Variants in ABCF1 observed in about 807,000 individuals in gnomAD.
ABCF1 encodes the protein ATP binding cassette subfamily F member 1.
ABCF1 carries 73 observed loss-of-function variants against 126.3 expected under a neutral mutation model. The ratio of observed to expected loss-of-function variants is 0.58; its 90% CI spans 0.48 to 0.70. ABCF1 has a LOEUF of 0.70. Among genes scored for constraint, ABCF1 ranks in the 30% least tolerant of loss-of-function variants. The pLI, the probability that ABCF1 is intolerant of heterozygous loss-of-function variation, is 0.00. For missense variants in ABCF1, 786 were observed against 1,057.5 expected (o/e 0.74, Z 3.56); for synonymous variants, 345 against 396.4 (o/e 0.87, Z 1.54).
In ABCF1 at chr6:30,577,411, A is replaced by T; in HGVS notation, c.76A>T (p.Lys26Ter). The change falls in exon 2 of 25, where the codon AAA (lysine) becomes TAA (stop). Residue 26 changes from lysine to a stop codon, truncating the protein, a stop_gained and splice_region_variant. Coordinates refer to ENST00000326195, the MANE Select transcript of ABCF1 (RefSeq NM_001025091.2). LOFTEE classifies it high-confidence loss of function. ...ACGATGTCCGCTTAACTTTCTAGAC[A>T]AAGTGGTGAAGAAAGGGAAGAAGGA... ...GDGESTSPSDKVVKKGKKDKK... is the reference protein window; with the variant it reads ...GDGESTSPSD The T allele has an allele frequency of 6.2e-7, 1 of 1,614,006 alleles. No individual in the cohort carries two copies. Among genetic ancestry groups the T allele is most frequent in the Non-Finnish European group, 8.5e-7 (1 of 1,179,962 alleles).
chr6:30,579,791 T>G, intron 6 of ABCF1, 140 bp from the exon 7 acceptor site: 1 of 700,888 alleles, frequency 1.4e-6, no homozygotes, highest in Non-Finnish European at 2.1e-6. Context: ...TTCTGGTGGG[T>G]TTATCGGGAT....
chr6:30,580,522 G>A lies in ABCF1; in HGVS notation c.678+3G>A. The A allele has an allele frequency of 1.3e-6, 2 of 1,494,886 alleles. No homozygotes were observed. The highest frequency in any genetic ancestry group is 1.4e-5 in the South Asian group (1 of 72,114). The allele number at this position is 1,494,886 out of a possible 1,614,324, so 92.6% of individuals were successfully genotyped here. The stretch of plus-strand genomic sequence containing the variant: ...AGAAGGCCAAGAAGGCAGAGCAGGT[G>A]TGTATTTGGTGTTGGGGCAAGGTGG... On this transcript the variant is annotated splice_donor_region_variant and intron_variant, in intron 8 of 24. Coordinates refer to ENST00000326195, the MANE Select transcript of ABCF1 (RefSeq NM_001025091.2).
Position 30,591,177 on chromosome 6 carries a change from C to T in ABCF1, c.*476C>T, listed in dbSNP as rs900746128. The stretch of plus-strand genomic sequence containing the variant: ...AGAGCTGGAGGTGAGCTTCTGAGGC[C>T]TTTGCCATTATCCAGCCCAAGATTT... On this transcript the variant is annotated 3_prime_UTR_variant, in exon 25 of 25. Transcript: ENST00000326195. 1.3e-5 allele frequency: 2 copies of T among 156,218 alleles called. No homozygotes were observed. 9.7% of individuals were successfully genotyped at this position (156,218 alleles called of 1,614,324 possible).
At chr6:30,589,411 G>C in intron 20 of ABCF1, 1 of 519,550 alleles carries the variant, frequency 1.9e-6, no homozygotes, top group Admixed American at 3.4e-5. Flanking sequence ...AGACCATCCT[G>C]GCTAACATGG....
intron 1 of ABCF1, among the ~76,000 whole-genome samples, chr6:30,575,123 G>T (rs1801432515): frequency 6.8e-6 from 1 of 146,136 alleles, no homozygotes; most frequent in Admixed American, 6.9e-5. Flanking sequence ...AGGCTGGAGT[G>T]CAGTGGCGCG....
chr6:30,582,837 G>A (rs1205413714), intron 9 of ABCF1, among the ~76,000 whole-genome samples: 3 of 152,170 alleles, frequency 2.0e-5, no homozygotes, highest in African/African-American at 7.2e-5. Context: ...GAGACTATGG[G>A]TGGCACCACC....
Position 30,591,178 on chromosome 6 carries a change from T to A in ABCF1, c.*477T>A. On this transcript the variant is annotated 3_prime_UTR_variant, in exon 25 of 25. Transcript: ENST00000326195. ...GAGCTGGAGGTGAGCTTCTGAGGCC[T>A]TTGCCATTATCCAGCCCAAGATTTG... 1 of 155,902 alleles carries A rather than the reference T, an allele frequency of 6.4e-6. No homozygotes were observed. The highest frequency in any genetic ancestry group is 1.4e-5 in the Non-Finnish European group (1 of 70,614). 9.7% of individuals were successfully genotyped at this position (155,902 alleles called of 1,614,324 possible). A position where few individuals can be genotyped will look rare whatever the true frequency, so the allele number is the denominator to read the frequency against.
At position 30,586,531 on chromosome 6, in the gene ABCF1, T is replaced by C; in HGVS notation, c.1943T>C (p.Ile648Thr). 1 of 1,613,372 alleles carries C rather than the reference T, an allele frequency of 6.2e-7. No individual in the cohort carries two copies. Among genetic ancestry groups the C allele is most frequent in the Admixed American group, 1.7e-5 (1 of 60,020 alleles). ...KPLFKNLDFG[I>T]DMDSRICIVG... is the part of the protein sequence containing the mutation. ...CTCTTTAAGAACTTGGATTTTGGCA[T>C]CGACATGGATTCAAGGAGTGAGTTG... Residue 648 changes from isoleucine to threonine, a missense_variant, in exon 19 of 25, where the codon ATC becomes ACC. By Grantham distance (89) the Ile-to-Thr change is moderately conservative. Around this residue, in one of 4 missense-constraint regions of ABCF1, gnomAD observed 288 missense variants for 423.5 expected, o/e 0.68. Coordinates refer to ENST00000326195, the MANE Select transcript of ABCF1 (RefSeq NM_001025091.2). This position sits in a 1 kb window ranked among gnomAD's most constrained non-coding sequence, Gnocchi z 4.9.
chr6:30,577,314 A>AGAGG lies in ABCF1; in HGVS notation c.74-95_74-94insGAGG, dbSNP rs1169133190. 23 of 1,162,522 alleles carry AGAGG rather than the reference A, an allele frequency of 2.0e-5. No individual in the cohort carries two copies. In the Admixed American group the frequency reaches 5.6e-4, roughly 29 times the overall value. 72.0% of individuals were successfully genotyped at this position (1,162,522 alleles called of 1,614,324 possible). ...GTGATAGTTAAGCTAGAAAAATAAT[A>AGAGG]AAATAGGATAGAGGCTACAGAGATC... On this transcript the variant is annotated intron_variant, in intron 1 of 24. Coordinates refer to ENST00000326195, the MANE Select transcript of ABCF1 (RefSeq NM_001025091.2).
chr6:30,590,066 G>C, intron 22 of ABCF1, 83 bp from the exon 23 acceptor site: 1 of 1,606,548 alleles, frequency 6.2e-7, no homozygotes, highest in Non-Finnish European at 8.5e-7. Flanking sequence ...GGGAGCCTCA[G>C]CTCACAAACT....
At position 30,583,629 on chromosome 6, in the gene ABCF1, G is replaced by T. The variant is rs562831377; in HGVS notation, c.937G>T (p.Ala313Ser). 6.2e-7 allele frequency: 1 copy of T among 1,614,000 alleles called. No individual in the cohort carries two copies. The highest frequency in any genetic ancestry group is 1.1e-5 in the South Asian group (1 of 91,082). ...DIKLEKFSIS[A>S]HGKELFVNAD... ...GCAGCTGGAGAAGTTCAGCATCTCCGCTCATGGCAAGGAGCTGTTCGTCAA... is the reference window on the plus strand; with the variant it reads ...GCAGCTGGAGAAGTTCAGCATCTCCTCTCATGGCAAGGAGCTGTTCGTCAA... Residue 313 changes from alanine to serine, a missense_variant, in exon 11 of 25, where the codon GCT becomes TCT. Ala to Ser is a moderately conservative substitution (Grantham distance 99). Around this residue, in one of 4 missense-constraint regions of ABCF1, gnomAD observed 163 missense variants for 255.3 expected, o/e 0.64. Coordinates refer to ENST00000326195, the MANE Select transcript of ABCF1 (RefSeq NM_001025091.2). This position sits in a 1 kb window ranked among gnomAD's most constrained non-coding sequence, Gnocchi z 4.1.
chr6:30,586,055 G>A lies in ABCF1; in HGVS notation c.1713+64G>A. On this transcript the variant is annotated intron_variant, in intron 17 of 24. Coordinates refer to ENST00000326195, the MANE Select transcript of ABCF1 (RefSeq NM_001025091.2). The surrounding 1 kb of genome is among the most constrained non-coding windows in gnomAD (Gnocchi z 4.9). Reference sequence around the variant, plus strand: ...TCTCTCCTGGCAGTGGAGGAAGAAGGAGACTCTGGAACGCTGGCCTACATT... The same window carrying A: ...TCTCTCCTGGCAGTGGAGGAAGAAGAAGACTCTGGAACGCTGGCCTACATT... The A allele has an allele frequency of 6.3e-7, 1 of 1,591,502 alleles. No homozygotes were observed.
At chr6:30,580,676 T>G (rs780707137) in intron 8 of ABCF1, among the ~76,000 whole-genome samples, 157 bp downstream of exon 8, 1 of 152,108 alleles carries the variant, frequency 6.6e-6, no homozygotes, top group Non-Finnish European at 1.5e-5. Flanking sequence ...CGTTTGTTTT[T>G]GTTTTTGTTT....
intron 22 of ABCF1, 78 bp from the exon 23 acceptor site, chr6:30,590,071 C>T: frequency 6.2e-7 from 1 of 1,606,904 alleles, no homozygotes; most frequent in Non-Finnish European, 8.5e-7. Context: ...CCTCAGCTCA[C>T]AAACTGGCAC....
intron 8 of ABCF1, 151 bp downstream of exon 8, chr6:30,580,670 T>C (rs1801771848): frequency 4.0e-6 from 2 of 502,536 alleles, no homozygotes; most frequent in African/African-American, 2.0e-5. Flanking sequence ...GTGGTTCGTT[T>C]GTTTTTGTTT....
At chr6:30,578,019 C>T (rs1801594316) in intron 3 of ABCF1, 57 bp from the exon 4 acceptor site, 2 of 1,613,644 alleles carry the variant, frequency 1.2e-6, no homozygotes, top group South Asian at 1.1e-5. Flanking sequence ...CTCTGTGAGG[C>T]AGAAATACAG....
intron 6 of ABCF1, among the ~76,000 whole-genome samples, 163 bp downstream of exon 6, chr6:30,578,740 G>A (rs1472983576): frequency 6.6e-6 from 1 of 152,054 alleles, no homozygotes; most frequent in Non-Finnish European, 1.5e-5. Context: ...AGTGGGTCAC[G>A]CCTGTAATCC....
chr6:30,589,748 G>T (rs760291384), intron 21 of ABCF1, 28 bp downstream of exon 21: 1 of 1,614,194 alleles, frequency 6.2e-7, no homozygotes, highest in Non-Finnish European at 8.5e-7. Context: ...TTTAGGGAAT[G>T]ATAATCTGAT....
Position 30,586,784 on chromosome 6 carries a change from C to T in ABCF1, c.2031+73C>T. ...AGCTGCTTTTGCCAGAAGCTGGAAT[C>T]AGGGAGCCTCTCGAGAATGTAGAGT... On this transcript the variant is annotated intron_variant, in intron 20 of 24. Coordinates refer to ENST00000326195, the MANE Select transcript of ABCF1 (RefSeq NM_001025091.2). The surrounding 1 kb of genome is among the most constrained non-coding windows in gnomAD (Gnocchi z 4.9). 6.6e-7 allele frequency: 1 copy of T among 1,507,706 alleles called. No individual in the cohort carries two copies. Among genetic ancestry groups the T allele is most frequent in the Non-Finnish European group, 9.2e-7 (1 of 1,089,288 alleles). The allele number at this position is 1,507,706 out of a possible 1,614,324, so 93.4% of individuals were successfully genotyped here.
Sources: allele counts gnomAD v4.1 joint callset (sites outside exome capture counted in the v4.1 genomes callset), GRCh38; gene constraint gnomAD v4.1.1; regional missense constraint gnomAD v4.1.1; non-coding constraint Gnocchi (gnomAD v3.1); transcripts MANE v1.5; gene names NCBI Gene and HGNC (gene_info 2026-07-23, HGNC 2026-07-21).